The following BRCA1 variants were observed in gnomAD, a reference collection of about 807,000 sequenced individuals.
BRCA1 encodes the protein breast cancer type 1 susceptibility protein.
In BRCA1, 140 loss-of-function variants were observed where a neutral mutation model predicts 173.7. That is an observed-to-expected ratio of 0.81 (90% CI 0.70 to 0.93). BRCA1 has a LOEUF of 0.93. BRCA1 is among the 40% of genes least tolerant of loss of function. The pLI, the probability that BRCA1 is intolerant of heterozygous loss-of-function variation, is 0.00. For missense variants in BRCA1, 1,983 were observed against 2,172.5 expected (o/e 0.91, Z 1.73); for synonymous variants, 662 against 756.0 (o/e 0.88, Z 2.04).
chr17:43,126,295 G>A (rs554849044), upstream of BRCA1, among the ~76,000 whole-genome samples: 9 of 152,342 alleles, frequency 5.9e-5, no homozygotes, highest in South Asian at 2.1e-4. Context: ...TCGTTTTGAG[G>A]GACAAGTGGT....
intron 1 of BRCA1, among the ~76,000 whole-genome samples, chr17:43,141,521 A>G (rs2056075188): frequency 6.6e-6 from 1 of 151,414 alleles, no homozygotes. Context: ...TTTGTTATAT[A>G]AAAAAAAATT....
rs1336317191 is a variant in BRCA1 at position 43,095,816 on chromosome 17, G to A, written c.670+30C>T. ...TGTATCTACCCACTCTCTTTTCAGT[G>A]CCTGTTAAGTTGGCAAACTTTGCCA... On this transcript the variant is annotated intron_variant, in intron 9 of 22. Coordinates refer to ENST00000357654, the MANE Select transcript of BRCA1 (RefSeq NM_007294.4). 3 of 1,562,614 alleles carry A rather than the reference G, an allele frequency of 1.9e-6. No individual in the cohort carries two copies. The African/African-American group carries it at 4.1e-5, about 21-fold the overall frequency.
At position 43,093,967 on chromosome 17, in the gene BRCA1, C is replaced by A. The variant is rs80357453; in HGVS notation, c.1564G>T (p.Asp522Tyr). ...TCAGGAGTCTTTTGAACTGCCAAAT[C>A]TGCTTTCTTGATAAAATCCTCAGGA... ...LHPEDFIKKADLAVQKTPEMI... is the reference protein window; with the variant it reads ...LHPEDFIKKAYLAVQKTPEMI... The change falls in exon 10 of 23, where the codon GAT (aspartate) becomes TAT (tyrosine). Residue 522 changes from aspartate to tyrosine, a missense_variant. Coordinates refer to ENST00000357654, the MANE Select transcript of BRCA1 (RefSeq NM_007294.4). The A allele has an allele frequency of 6.2e-7, 1 of 1,613,722 alleles. No homozygotes were observed. The highest frequency in any genetic ancestry group is 8.5e-7 in the Non-Finnish European group (1 of 1,179,918).
At chr17:43,105,785 T>C (rs1011674729) in intron 4 of BRCA1, among the ~76,000 whole-genome samples, 2 of 152,116 alleles carry the variant, frequency 1.3e-5, no homozygotes, top group Non-Finnish European at 2.9e-5. Context: ...ACTACTCTCA[T>C]AGAATTTACA....
chr17:43,114,658 G>A (rs1233400482), intron 3 of BRCA1, among the ~76,000 whole-genome samples: 2 of 152,020 alleles, frequency 1.3e-5, no homozygotes, highest in African/African-American at 4.8e-5. Context: ...GGGAGGCAGG[G>A]GTTGTAGGGT....
At chr17:43,159,100 A>C (rs1428978029) in intron 1 of BRCA1, among the ~76,000 whole-genome samples, 1 of 151,986 alleles carries the variant, frequency 6.6e-6, no homozygotes, top group East Asian at 1.9e-4. Context: ...CACACACACA[A>C]ATTAGCTGGG....
chr17:43,087,009 G>T (rs1204419132), intron 11 of BRCA1, among the ~76,000 whole-genome samples: 2 of 152,186 alleles, frequency 1.3e-5, no homozygotes, highest in African/African-American at 4.8e-5. Context: ...AGTTCTCATA[G>T]CAATGCAAGA....
intron 1 of BRCA1, chr17:43,138,656 G>A: frequency 1.3e-6 from 1 of 777,232 alleles, no homozygotes; most frequent in Non-Finnish European, 2.4e-6. Context: ...TTTCTGTGCA[G>A]GTGCTGGAAG....
intron 3 of BRCA1, among the ~76,000 whole-genome samples, chr17:43,112,902 C>T (rs1235653932): frequency 6.6e-6 from 1 of 152,004 alleles, no homozygotes; most frequent in Non-Finnish European, 1.5e-5. Context: ...CTCCCAGGTT[C>T]AAGTGATTCT....
intron 7 of BRCA1, among the ~76,000 whole-genome samples, chr17:43,098,009 T>C (rs990654295): frequency 1.3e-5 from 2 of 151,292 alleles, no homozygotes; most frequent in Non-Finnish European, 2.9e-5. Context: ...GAGCCCAGTT[T>C]GAATTCTGAG....
intron 14 of BRCA1, among the ~76,000 whole-genome samples, chr17:43,071,463 C>T (rs770467165): frequency 2.6e-5 from 4 of 152,026 alleles, no homozygotes; most frequent in South Asian, 2.1e-4. Context: ...GTCAACAATG[C>T]TAGTTTTAGA....
chr17:43,161,110 A>C, intron 1 of BRCA1: 1 of 152,292 alleles, frequency 6.6e-6, no homozygotes, highest in Non-Finnish European at 1.5e-5. Context: ...AGTAAGGTTA[A>C]ATTTCCTACA....
At position 43,096,571 on chromosome 17, in the gene BRCA1, C is replaced by CA. The variant is rs34226398; in HGVS notation, c.594-650dup. Among the ~76,000 whole-genome samples, 1,666 of 89,286 alleles carry CA rather than the reference C, an allele frequency of 0.019. 21 individuals are homozygous for CA. Among genetic ancestry groups the CA allele is most frequent in the Non-Finnish European group, 0.025 (1,060 of 42,114 alleles). 58.6% of individuals were successfully genotyped at this position (89,286 alleles called of 152,430 possible). On this transcript the variant is annotated intron_variant, in intron 8 of 22. Transcript: ENST00000357654. The stretch of plus-strand genomic sequence containing the variant: ...TGGCAACAGGGCAAGACCCCGTCTC[C>CA]AAAAAAAAAAAAAAAAAAACCTGGG...
chr17:43,125,111 T>TC, intron 1 of BRCA1, 160 bp downstream of exon 1: 7 of 423,304 alleles, frequency 1.7e-5, no homozygotes, highest in Admixed American at 5.0e-5. Flanking sequence ...ACCTACAAAC[T>TC]GCCCCCCTCC....
chr17:43,104,013 A>C, intron 6 of BRCA1, 109 bp downstream of exon 6: 2 of 1,380,152 alleles, frequency 1.4e-6, no homozygotes, highest in Non-Finnish European at 2.0e-6. Context: ...GGGCTAAGGC[A>C]GGAGGACTGC....
At chr17:43,104,748 G>A in intron 5 of BRCA1, 120 bp downstream of exon 5, 1 of 871,450 alleles carries the variant, frequency 1.1e-6, no homozygotes. Context: ...TACAGATACA[G>A]AACTAAAATT....
At position 43,093,526 on chromosome 17, in the gene BRCA1, T is replaced by G; in HGVS notation, c.2005A>C (p.Met669Leu). The change falls in exon 10 of 23, where the codon ATG becomes CTG. Residue 669 changes from methionine (M) to leucine (L), a missense_variant. Physicochemically the swap from Met to Leu is conservative, Grantham distance 15. Coordinates refer to ENST00000357654, the MANE Select transcript of BRCA1 (RefSeq NM_007294.4). ...PVRHSRNLQL[M>L]EGKEPATGAK... is the part of the protein sequence containing the mutation. ...CCAGTTGCAGGTTCTTTACCTTCCA[T>G]GAGTTGTAGGTTTCTGCTGTGCCTG... is the stretch of plus-strand genomic sequence containing the variant. 2 of 1,614,074 alleles carry G rather than the reference T, an allele frequency of 1.2e-6. No homozygotes were observed. The highest frequency in any genetic ancestry group is 8.5e-7 in the Non-Finnish European group (1 of 1,180,012).
intron 19 of BRCA1, among the ~76,000 whole-genome samples, chr17:43,053,621 G>A (rs971954782): frequency 4.6e-5 from 7 of 151,640 alleles, no homozygotes; most frequent in African/African-American, 7.3e-5. Flanking sequence ...GAGCCGAGAC[G>A]GCGCCACTGC....
At chr17:43,136,866 AGT>A (rs1452469072) in intron 1 of BRCA1, among the ~76,000 whole-genome samples, 3 of 152,214 alleles carry the variant, frequency 2.0e-5, no homozygotes, top group Admixed American at 6.5e-5. Flanking sequence ...TGTGGAAAAC[AGT>A]GTGGTGATTC....
Sources: allele counts gnomAD v4.1 joint callset (sites outside exome capture counted in the v4.1 genomes callset), GRCh38; gene constraint gnomAD v4.1.1; transcripts MANE v1.5; gene names NCBI Gene and HGNC (gene_info 2026-07-23, HGNC 2026-07-21).